The following TRDN variants were observed in gnomAD, a reference collection of about 807,000 sequenced individuals.
The protein encoded by TRDN is triadin.
A neutral mutation model predicts 149.7 loss-of-function variants in TRDN; 161 were observed. The ratio of observed to expected loss-of-function variants is 1.08; its 90% confidence interval spans 0.95 to 1.23. The LOEUF is 1.23. Among genes scored for constraint, TRDN ranks in the 50% most tolerant of loss-of-function variants. The pLI, the probability that TRDN is intolerant of heterozygous loss-of-function variation, is 0.00. For synonymous variants in TRDN, 294 were observed against 250.5 expected (o/e 1.17, Z -1.64); for missense variants, 896 against 823.5 (o/e 1.09, Z -1.08).
intron 1 of TRDN, among the ~76,000 whole-genome samples, chr6:123,613,347 A>G (rs936930482): frequency 1.3e-5 from 2 of 152,236 alleles, no homozygotes; most frequent in Non-Finnish European, 2.9e-5. Flanking sequence ...AATACATTTC[A>G]GCATATATTT....
At position 123,446,813 on chromosome 6, in the gene TRDN, G is replaced by T. The variant is rs558135109; in HGVS notation, c.932-7810C>A. On this transcript the variant is annotated intron_variant, in intron 10 of 40. Transcript: ENST00000334268. Reference sequence around the variant, plus strand: ...GAGTGATGGTTTAAGAAAAACTTTGGCTGTTGCTAGGTGGTCAAGTGTCTC... The same window carrying T: ...GAGTGATGGTTTAAGAAAAACTTTGTCTGTTGCTAGGTGGTCAAGTGTCTC... Among the ~76,000 whole-genome samples, 15 of 152,214 alleles carry T rather than the reference G, an allele frequency of 9.9e-5. No homozygotes were observed. In the South Asian group the frequency reaches 3.1e-3, roughly 32 times the overall value.
intron 14 of TRDN, among the ~76,000 whole-genome samples, chr6:123,385,009 T>C (rs373045606): frequency 5.9e-5 from 9 of 152,176 alleles, no homozygotes; most frequent in African/African-American, 1.4e-4. Flanking sequence ...TTTAAGAACA[T>C]TGAGGCTCCC....
chr6:123,218,568 C>G lies in TRDN; in HGVS notation c.*33G>C, dbSNP rs757736765. On this transcript the variant is annotated 3_prime_UTR_variant, in exon 41 of 41. Coordinates refer to ENST00000334268, the MANE Select transcript of TRDN (RefSeq NM_006073.4). ...GGACAAAACATCACATTTTTAAAAT[C>G]TTAAAGCACTTGTAAGGGTCATACA... is the stretch of plus-strand genomic sequence containing the variant. 1.3e-6 allele frequency: 2 copies of G among 1,583,080 alleles called. No homozygotes were observed. Among genetic ancestry groups the G allele is most frequent in the South Asian group, 2.3e-5 (2 of 86,928 alleles).
intron 23 of TRDN, among the ~76,000 whole-genome samples, chr6:123,329,731 A>G (rs1779592294): frequency 6.6e-6 from 1 of 152,122 alleles, no homozygotes; most frequent in Non-Finnish European, 1.5e-5. Flanking sequence ...AGGAGACATC[A>G]CTGTCACTCT....
At chr6:123,370,497 G>A (rs1781284207) in intron 19 of TRDN, among the ~76,000 whole-genome samples, 1 of 152,054 alleles carries the variant, frequency 6.6e-6, no homozygotes, top group Admixed American at 6.6e-5. Context: ...CCTGCCAGTG[G>A]ACACTAGGTC....
intron 10 of TRDN, among the ~76,000 whole-genome samples, chr6:123,456,683 G>C (rs1044711057): frequency 1.3e-5 from 2 of 152,088 alleles, no homozygotes; most frequent in Non-Finnish European, 2.9e-5. Context: ...TGCCCAGGCT[G>C]GTCTCTAACT....
chr6:123,514,589 A>G (rs1779334684), intron 6 of TRDN, among the ~76,000 whole-genome samples: 3 of 151,674 alleles, frequency 2.0e-5, no homozygotes, highest in Admixed American at 1.3e-4. Context: ...ATTCAGAAAA[A>G]TATTTGAAAA....
Position 123,253,672 on chromosome 6 carries a change from T to C in TRDN, c.1952-1237A>G, listed in dbSNP as rs149548499. On this transcript the variant is annotated intron_variant, in intron 37 of 40. Coordinates refer to ENST00000334268, the MANE Select transcript of TRDN (RefSeq NM_006073.4). ...GCTCTCAATTATCTCTGAGTTGGAC[T>C]TGTGCTTTCGTACATAATCATTTTT... Among the ~76,000 whole-genome samples, 277 of 152,268 alleles carry C rather than the reference T, an allele frequency of 1.8e-3. 1 individual carries two copies. The highest frequency in any genetic ancestry group is 1.9e-3 in the Admixed American group (29 of 15,264).
At chr6:123,622,110 C>A (rs1011490516) in intron 1 of TRDN, among the ~76,000 whole-genome samples, 1 of 152,122 alleles carries the variant, frequency 6.6e-6, no homozygotes, top group Non-Finnish European at 1.5e-5. Flanking sequence ...TCTGCCACCA[C>A]TGGGACAGCA....
intron 24 of TRDN, among the ~76,000 whole-genome samples, chr6:123,288,337 A>T (rs1777873090): frequency 6.6e-6 from 1 of 152,092 alleles, no homozygotes; most frequent in Non-Finnish European, 1.5e-5. Flanking sequence ...GTTATTTCTC[A>T]GGTAGGACTC....
chr6:123,246,916 G>T (rs1479916571), intron 38 of TRDN, among the ~76,000 whole-genome samples: 1 of 152,104 alleles, frequency 6.6e-6, no homozygotes, highest in African/African-American at 2.4e-5. Context: ...GATCAAGTTG[G>T]CTTCATCCCT....
chr6:123,309,219 G>T (rs1778723664), intron 24 of TRDN, among the ~76,000 whole-genome samples: 1 of 151,690 alleles, frequency 6.6e-6, no homozygotes, highest in African/African-American at 2.4e-5. Flanking sequence ...CCCATTCCTG[G>T]ATTTAAACAG....
intron 12 of TRDN, among the ~76,000 whole-genome samples, chr6:123,416,085 C>T (rs1773638314): frequency 6.6e-6 from 1 of 152,064 alleles, no homozygotes; most frequent in South Asian, 2.1e-4. Flanking sequence ...ATTTCATATG[C>T]AAAATTCAGT....
chr6:123,612,214 G>A (rs1784852195), intron 1 of TRDN, among the ~76,000 whole-genome samples: 1 of 127,506 alleles, frequency 7.8e-6, no homozygotes, highest in Admixed American at 9.8e-5. Flanking sequence ...GGCCAACATG[G>A]TGAAACCCGG....
At chr6:123,481,584 C>G (rs1777752951) in intron 9 of TRDN, among the ~76,000 whole-genome samples, 1 of 152,058 alleles carries the variant, frequency 6.6e-6, no homozygotes, top group South Asian at 2.1e-4. Flanking sequence ...ACCCACTTCA[C>G]AGGGCTTTGT....
chr6:123,250,815 A>G (rs1353358040), intron 38 of TRDN, among the ~76,000 whole-genome samples: 1 of 152,086 alleles, frequency 6.6e-6, no homozygotes, highest in East Asian at 1.9e-4. Context: ...GAAGTAAACC[A>G]TAGCTTTCTG....
At chr6:123,401,904 G>A (rs1772990886) in intron 12 of TRDN, among the ~76,000 whole-genome samples, 1 of 149,420 alleles carries the variant, frequency 6.7e-6, no homozygotes, top group Non-Finnish European at 1.5e-5. Flanking sequence ...CCAAGATCAC[G>A]CCACTGCACT....
chr6:123,463,733 C>A (rs1776619374), intron 10 of TRDN, among the ~76,000 whole-genome samples: 1 of 151,382 alleles, frequency 6.6e-6, no homozygotes, highest in African/African-American at 2.4e-5. Flanking sequence ...AGTCCAAATG[C>A]CAAAATAAAT....
At chr6:123,529,116 C>T (rs544889434) in intron 5 of TRDN, 29 of 1,490,844 alleles carry the variant, frequency 1.9e-5, no homozygotes, top group South Asian at 1.7e-4. Context: ...ACATTACTAC[C>T]GCCACTCCAG....
Sources: gnomAD v4.1 joint callset for allele counts (sites outside exome capture counted in the v4.1 genomes callset) on GRCh38, gnomAD v4.1.1 for gene constraint, MANE v1.5 for transcripts, NCBI Gene and HGNC (gene_info 2026-07-23, HGNC 2026-07-21) for gene names.